Variants in CNBD1 observed in about 807,000 individuals in gnomAD.
CNBD1 encodes the protein cyclic nucleotide binding domain containing 1, also known as cyclic nucleotide-binding domain-containing protein 1.
In CNBD1, 71 loss-of-function variants were observed where a neutral mutation model predicts 54.4. That is an observed-to-expected ratio of 1.30 (90% confidence interval 1.08 to 1.59). The LOEUF (loss-of-function observed/expected upper bound fraction) is 1.59. Ranked by LOEUF, CNBD1 falls within the 40% of genes most tolerant of loss-of-function variation. The probability of loss-of-function intolerance (pLI) is 0.00; values close to 1 mark genes in which losing one functional copy is unlikely to be tolerated. For synonymous variants in CNBD1, 182 were observed against 170.7 expected, an observed-to-expected ratio of 1.07 and a Z score of -0.51; for missense variants, 659 against 518.0, an observed-to-expected ratio of 1.27 and a Z score of -2.64.
intron 4 of CNBD1, among the ~76,000 whole-genome samples, chr8:87,187,268 C>G (rs1313059525): frequency 6.6e-6 from 1 of 151,636 alleles, no homozygotes; most frequent in Non-Finnish European, 1.5e-5. Flanking sequence ...ATATTTATTC[C>G]TATATCTATC....
Position 87,353,458 on chromosome 8 carries a change from C to T in CNBD1, c.1153-178C>T, listed in dbSNP as rs539427233. Among the ~76,000 whole-genome samples the T allele has an allele frequency of 7.2e-5, 11 of 152,154 alleles. No homozygotes were observed. The South Asian group carries it at 2.3e-3, about 32-fold the overall frequency. ...TAAGTTATCTATGAATTTACTATTG[C>T]TCTAATATAATTGAAATGCTTATGT... On this transcript the variant is annotated intron_variant, in intron 9 of 10. Coordinates refer to ENST00000518476, the MANE Select transcript of CNBD1 (RefSeq NM_173538.3).
intron 3 of CNBD1, among the ~76,000 whole-genome samples, chr8:86,933,393 T>C (rs1809490458): frequency 6.6e-6 from 1 of 152,086 alleles, no homozygotes; most frequent in East Asian, 1.9e-4. Context: ...ATACATATAA[T>C]GAAATCTCAT....
chr8:87,099,518 A>G (rs572936656), intron 4 of CNBD1, among the ~76,000 whole-genome samples: 7 of 152,336 alleles, frequency 4.6e-5, no homozygotes, highest in African/African-American at 1.7e-4. Flanking sequence ...GATGATGACC[A>G]GGATGAATTT....
chr8:87,384,251 A>G (rs1811142354), downstream of CNBD1, among the ~76,000 whole-genome samples: 4 of 152,134 alleles, frequency 2.6e-5, no homozygotes, highest in Admixed American at 6.6e-5. Flanking sequence ...TATATGCTTC[A>G]TCTTTCAACA....
At chr8:87,045,080 G>A (rs1346782634) in intron 4 of CNBD1, among the ~76,000 whole-genome samples, 1 of 152,192 alleles carries the variant, frequency 6.6e-6, no homozygotes, top group African/African-American at 2.4e-5. Context: ...ATGGAGAGGG[G>A]TGTTGTGTCG....
At chr8:87,406,506 A>C (rs1007423077) in intron 2 of CNBD1, among the ~76,000 whole-genome samples, 1 of 144,834 alleles carries the variant, frequency 6.9e-6, no homozygotes, top group African/African-American at 2.7e-5. Context: ...TTGAGACAGA[A>C]TCTGGCTCTG....
chr8:86,963,464 G>A (rs1030159140), intron 4 of CNBD1, among the ~76,000 whole-genome samples: 3 of 152,116 alleles, frequency 2.0e-5, no homozygotes, highest in South Asian at 2.1e-4. Context: ...CCTCAGGGGG[G>A]TGTATGAACC....
intron 8 of CNBD1, among the ~76,000 whole-genome samples, chr8:87,327,154 T>C (rs1399076047): frequency 3.8e-4 from 54 of 141,630 alleles, no homozygotes; most frequent in African/African-American, 4.7e-4. Flanking sequence ...GGAGGCAGTC[T>C]GCCCGTTCTC....
chr8:87,004,049 A>G (rs752697810), intron 4 of CNBD1, among the ~76,000 whole-genome samples: 3 of 152,228 alleles, frequency 2.0e-5, no homozygotes, highest in African/African-American at 7.2e-5. Context: ...TAAACGTGAC[A>G]TACCGTATAT....
At chr8:87,019,734 C>T (rs569610905) in intron 4 of CNBD1, among the ~76,000 whole-genome samples, 62 of 152,028 alleles carry the variant, frequency 4.1e-4, no homozygotes, top group Non-Finnish European at 7.8e-4. Context: ...AAAAATTAGC[C>T]GGATGTGGTG....
chr8:87,277,124 A>C (rs1808499381), intron 6 of CNBD1, among the ~76,000 whole-genome samples: 1 of 151,660 alleles, frequency 6.6e-6, no homozygotes, highest in South Asian at 2.1e-4. Flanking sequence ...ATTTATTATA[A>C]GGAATTAGCT....
chr8:87,024,238 CA>C (rs1337825731), intron 4 of CNBD1, among the ~76,000 whole-genome samples: 1 of 45,012 alleles, frequency 2.2e-5, no homozygotes. Context: ...GACTCCATCT[CA>C]AAAAAAAAGA....
At chr8:87,374,417 A>C (rs188836526) in intron 10 of CNBD1, among the ~76,000 whole-genome samples, 1 of 151,988 alleles carries the variant, frequency 6.6e-6, no homozygotes, top group African/African-American at 2.4e-5. Flanking sequence ...CATTTAAGAT[A>C]GTTCCTTAAA....
At chr8:87,077,762 G>T (rs1241756425) in intron 4 of CNBD1, among the ~76,000 whole-genome samples, 2 of 151,890 alleles carry the variant, frequency 1.3e-5, no homozygotes, top group East Asian at 3.9e-4. Context: ...CTTTTTTATG[G>T]CTGCATAGTA....
chr8:87,403,434 C>G (rs1465834275), intron 2 of CNBD1, among the ~76,000 whole-genome samples: 2 of 151,994 alleles, frequency 1.3e-5, no homozygotes, highest in Admixed American at 1.3e-4. Context: ...AACCTTGTTT[C>G]AATTACCCTA....
intron 8 of CNBD1, among the ~76,000 whole-genome samples, chr8:87,319,515 A>G (rs991382847): frequency 1.5e-4 from 23 of 152,108 alleles, no homozygotes; most frequent in Admixed American, 7.9e-4. Context: ...TTTGAAGAAT[A>G]AAAAATGAGG....
At chr8:86,913,253 A>T (rs554335750) in intron 3 of CNBD1, among the ~76,000 whole-genome samples, 1 of 152,312 alleles carries the variant, frequency 6.6e-6, no homozygotes, top group East Asian at 1.9e-4. Flanking sequence ...ACCCAGAGCA[A>T]CTTCCACTAC....
At chr8:87,201,767 T>A (rs1433426190) in intron 4 of CNBD1, among the ~76,000 whole-genome samples, 4 of 152,024 alleles carry the variant, frequency 2.6e-5, no homozygotes, top group South Asian at 2.1e-4. Context: ...TTAAAAAAAA[T>A]TATTTATTTT....
At chr8:87,036,408 C>T (rs1204542690) in intron 4 of CNBD1, among the ~76,000 whole-genome samples, 3 of 151,940 alleles carry the variant, frequency 2.0e-5, no homozygotes, top group Non-Finnish European at 4.4e-5. Context: ...TCCTGGCTGA[C>T]ATGGTGAAAC....
Sources: gnomAD v4.1 joint callset for allele counts (sites outside exome capture counted in the v4.1 genomes callset) on GRCh38, gnomAD v4.1.1 for gene constraint, MANE v1.5 for transcripts, NCBI Gene and HGNC (gene_info 2026-07-23, HGNC 2026-07-21) for gene names.